The following ERICH1 variants were observed in gnomAD, a reference collection of about 807,000 sequenced individuals.
ERICH1 encodes the protein glutamate rich 1.
A neutral mutation model predicts 39.6 loss-of-function variants in ERICH1; 56 were observed. The observed-to-expected ratio is 1.41, with a 90% CI of 1.14 to 1.77. The LOEUF (loss-of-function observed/expected upper bound fraction) is 1.77, where lower values mean the gene tolerates loss of function less well. Among genes scored for constraint, ERICH1 ranks in the 40% most tolerant of loss-of-function variants. The pLI, the probability that ERICH1 is intolerant of heterozygous loss-of-function variation, is 0.00. For missense variants in ERICH1, 826 were observed against 575.4 expected, an observed-to-expected ratio of 1.44 and a Z score of -4.45; for synonymous variants, 313 against 223.6, an observed-to-expected ratio of 1.40 and a Z score of -3.57.
intron 1 of ERICH1, among the ~76,000 whole-genome samples, chr8:723,337 C>A (rs765842139): frequency 6.6e-6 from 1 of 152,224 alleles, no homozygotes; most frequent in Non-Finnish European, 1.5e-5. Context: ...GCAGAACAGA[C>A]TAACACTCAC....
In ERICH1 at chr8:699,712, C is replaced by G. The variant is rs1246461387; in HGVS notation, c.170-7100G>C. The stretch of plus-strand genomic sequence containing the variant: ...AGACTCACACAGGCGCACAGACCCG[C>G]ACACGTGCACAGACTCACAGGCGCA... On this transcript the variant is annotated intron_variant, in intron 2 of 5. Transcript: ENST00000262109. Among the ~76,000 whole-genome samples, 10 of 150,270 alleles carry G rather than the reference C, an allele frequency of 6.7e-5. No homozygotes were observed. The East Asian group carries it at 1.9e-3, about 29-fold the overall frequency.
chr8:717,166 G>T (rs1279432097), intron 1 of ERICH1, among the ~76,000 whole-genome samples: 1 of 152,174 alleles, frequency 6.6e-6, no homozygotes, highest in African/African-American at 2.4e-5. Context: ...TGCTTTTGCT[G>T]GGAGGAAACG....
intron 2 of ERICH1, among the ~76,000 whole-genome samples, chr8:694,695 G>T (rs1809728799): frequency 6.6e-6 from 1 of 152,210 alleles, no homozygotes; most frequent in Admixed American, 6.5e-5. Context: ...CGGTGACCAT[G>T]TAACCCATAA....
chr8:655,298 A>C (rs186558338), intron 3 of ERICH1, among the ~76,000 whole-genome samples: 2 of 152,316 alleles, frequency 1.3e-5, no homozygotes, highest in East Asian at 1.9e-4. Flanking sequence ...AGACGCCCTC[A>C]TGCCACAGGC....
At chr8:693,974 C>G (rs1283575791) in intron 2 of ERICH1, among the ~76,000 whole-genome samples, 2 of 148,224 alleles carry the variant, frequency 1.3e-5, no homozygotes, top group Non-Finnish European at 3.0e-5. Flanking sequence ...TGGGCAGCCT[C>G]TGTCAGTTTA....
intron 2 of ERICH1, among the ~76,000 whole-genome samples, chr8:711,249 T>G (rs958118331): frequency 1.8e-4 from 27 of 152,242 alleles, no homozygotes; most frequent in Non-Finnish European, 2.9e-4. Flanking sequence ...GTATGTCTTT[T>G]GAAAATATTT....
intron 3 of ERICH1, among the ~76,000 whole-genome samples, chr8:690,734 G>A (rs1397403487): frequency 1.3e-5 from 2 of 152,278 alleles, no homozygotes; most frequent in African/African-American, 2.4e-5. Context: ...GGGGCCTGGT[G>A]CCAGGCACAG....
intron 2 of ERICH1, among the ~76,000 whole-genome samples, chr8:698,050 T>C (rs1354481635): frequency 6.6e-6 from 1 of 151,522 alleles, no homozygotes; most frequent in Non-Finnish European, 1.5e-5. Context: ...GACCCGGGGG[T>C]GGGTGTAGAG....
chr8:721,170 T>C (rs192972789), intron 1 of ERICH1, among the ~76,000 whole-genome samples: 5 of 152,352 alleles, frequency 3.3e-5, no homozygotes, highest in East Asian at 3.8e-4. Flanking sequence ...TTAATACAAA[T>C]ATCCAGGTAT....
chr8:692,478 C>T lies in ERICH1; in HGVS notation c.304G>A (p.Asp102Asn), dbSNP rs1455014133. The T allele has an allele frequency of 6.2e-7, 1 of 1,614,050 alleles. No individual in the cohort carries two copies. The highest frequency in any genetic ancestry group is 1.7e-4 in the Middle Eastern group (1 of 6,060). Residue 102 changes from aspartate (D) to asparagine (N), a missense_variant and splice_region_variant, in exon 3 of 6, where the codon GAT becomes AAT. By Grantham distance (23) the Asp-to-Asn change is conservative (BLOSUM62 1). Transcript: ENST00000262109. Reference sequence around the variant, plus strand: ...CCTTTCCTCCCACCCAGCATTTTACCTTCTGTGTCATCCCCGCTGGAGGCG... The same window carrying T: ...CCTTTCCTCCCACCCAGCATTTTACTTTCTGTGTCATCCCCGCTGGAGGCG... ...ENASSGDDTEDQDPHDQPKRR... is the reference protein window; with the variant it reads ...ENASSGDDTENQDPHDQPKRR...
chr8:708,922 T>C (rs1482714982), intron 2 of ERICH1, among the ~76,000 whole-genome samples: 3 of 151,934 alleles, frequency 2.0e-5, no homozygotes, highest in Admixed American at 1.3e-4. Flanking sequence ...CTCCAACTCC[T>C]AAGCTCAAGT....
chr8:635,488 T>C (rs336417), intron 3 of ERICH1, among the ~76,000 whole-genome samples: 39,974 of 152,084 alleles, frequency 0.26, 6,135 homozygotes, highest in East Asian at 0.43. Flanking sequence ...CCCCACCCAG[T>C]CCCCACCTGT....
chr8:728,580 T>C (rs1173423394), intron 1 of ERICH1, among the ~76,000 whole-genome samples: 1 of 152,170 alleles, frequency 6.6e-6, no homozygotes, highest in Non-Finnish European at 1.5e-5. Flanking sequence ...CGACCTGAGC[T>C]AGCACTTAAT....
intron 2 of ERICH1, among the ~76,000 whole-genome samples, chr8:697,859 C>T (rs1810710443): frequency 6.6e-6 from 1 of 152,212 alleles, no homozygotes; most frequent in Admixed American, 6.5e-5. Context: ...GTGACCTGGG[C>T]TTGAGCCCCT....
At chr8:718,333 G>C (rs923309445) in intron 1 of ERICH1, among the ~76,000 whole-genome samples, 3 of 152,120 alleles carry the variant, frequency 2.0e-5, no homozygotes, top group Admixed American at 6.5e-5. Context: ...TCCTGAGGCA[G>C]ATTTCGGAGC....
chr8:618,493 C>G (rs993668886), intron 3 of ERICH1, among the ~76,000 whole-genome samples: 1 of 152,196 alleles, frequency 6.6e-6, no homozygotes, highest in Admixed American at 6.5e-5. Context: ...CCTCACTGCC[C>G]GGAGCAGTGC....
chr8:697,281 C>T (rs1810539116), intron 2 of ERICH1, among the ~76,000 whole-genome samples: 1 of 152,218 alleles, frequency 6.6e-6, no homozygotes, highest in Non-Finnish European at 1.5e-5. Flanking sequence ...ACTCACTCTC[C>T]AGCCTCCTGC....
chr8:726,789 A>G (rs1466608847), intron 1 of ERICH1, among the ~76,000 whole-genome samples: 1 of 152,000 alleles, frequency 6.6e-6, no homozygotes, highest in Non-Finnish European at 1.5e-5. Context: ...ACACACATAC[A>G]TGAACATGGA....
At chr8:663,707 T>A (rs1252981227), downstream of ERICH1, among the ~76,000 whole-genome samples, 1 of 152,106 alleles carries the variant, frequency 6.6e-6, no homozygotes, top group Non-Finnish European at 1.5e-5. Flanking sequence ...TAAAACCCTT[T>A]CATAGATAGA....
Sources: allele counts gnomAD v4.1 joint callset (sites outside exome capture counted in the v4.1 genomes callset), GRCh38; gene constraint gnomAD v4.1.1; transcripts MANE v1.5; gene names NCBI Gene and HGNC (gene_info 2026-07-23, HGNC 2026-07-21).